Variants in EFNA5 observed in about 807,000 individuals in gnomAD.
EFNA5 encodes ephrin-A5.
In EFNA5, 5 loss-of-function variants were observed where a neutral mutation model predicts 22.9. The observed-to-expected ratio is 0.22, with a 90% CI of 0.11 to 0.46. The LOEUF (loss-of-function observed/expected upper bound fraction) is 0.46. Ranked by LOEUF, EFNA5 falls within the 20% of genes least tolerant of loss-of-function variation. EFNA5 has a pLI of 0.99. For missense variants in EFNA5, 237 were observed against 293.3 expected (o/e 0.81, Z 1.40); for synonymous variants, 113 against 112.2 (o/e 1.01, Z -0.04).
At chr5:107,629,703 C>T (rs934403736) in intron 1 of EFNA5, among the ~76,000 whole-genome samples, 1 of 152,230 alleles carries the variant, frequency 6.6e-6, no homozygotes, top group African/African-American at 2.4e-5. Context: ...CCACAGGCCA[C>T]ATGTGGCCCA....
chr5:107,618,630 G>A (rs1051289353), intron 1 of EFNA5, among the ~76,000 whole-genome samples: 10 of 152,156 alleles, frequency 6.6e-5, no homozygotes, highest in East Asian at 1.9e-4. Context: ...TTCAGAGTCC[G>A]GGTTAGAATG....
At chr5:107,593,924 A>T (rs555161613) in intron 1 of EFNA5, among the ~76,000 whole-genome samples, 1 of 152,274 alleles carries the variant, frequency 6.6e-6, no homozygotes, top group Non-Finnish European at 1.5e-5. Context: ...TTTATTTTTA[A>T]GCTACTAAAC....
At chr5:107,490,329 C>T (rs544480087) in intron 1 of EFNA5, among the ~76,000 whole-genome samples, 1 of 152,266 alleles carries the variant, frequency 6.6e-6, no homozygotes, top group African/African-American at 2.4e-5. Flanking sequence ...CTCCCTAGCT[C>T]ATGGGATCCT....
intron 1 of EFNA5, among the ~76,000 whole-genome samples, chr5:107,642,912 C>G (rs766498392): frequency 7.1e-6 from 1 of 140,148 alleles, no homozygotes; most frequent in Non-Finnish European, 1.5e-5. Context: ...TCTAAAATGT[C>G]ATTTTGTCCA....
intron 1 of EFNA5, among the ~76,000 whole-genome samples, chr5:107,635,512 T>A (rs186768154): frequency 1.3e-5 from 2 of 152,190 alleles, no homozygotes; most frequent in African/African-American, 2.4e-5. Context: ...AATTTGTAGA[T>A]TTTTTCACCA....
chr5:107,636,647 T>C (rs758150860), intron 1 of EFNA5, among the ~76,000 whole-genome samples: 2 of 152,228 alleles, frequency 1.3e-5, no homozygotes, highest in African/African-American at 4.8e-5. Flanking sequence ...ACTTGGAATA[T>C]CTTATGCAGT....
chr5:107,535,711 G>A (rs762129918), intron 1 of EFNA5, among the ~76,000 whole-genome samples: 1 of 151,890 alleles, frequency 6.6e-6, no homozygotes, highest in Non-Finnish European at 1.5e-5. Flanking sequence ...GTAGTGTCTG[G>A]TTCATTTTCT....
At chr5:107,520,747 C>G in intron 1 of EFNA5, among the ~76,000 whole-genome samples, 1 of 152,182 alleles carries the variant, frequency 6.6e-6, no homozygotes, top group Non-Finnish European at 1.5e-5. Context: ...TTTCTGACTG[C>G]TTGGTACCAA....
At chr5:107,596,090 A>G (rs1390930731) in intron 1 of EFNA5, among the ~76,000 whole-genome samples, 1 of 152,214 alleles carries the variant, frequency 6.6e-6, no homozygotes, top group African/African-American at 2.4e-5. Context: ...CATTTTACTT[A>G]ATACTACTTT....
chr5:107,520,208 G>A (rs1747564787), intron 1 of EFNA5, among the ~76,000 whole-genome samples: 1 of 152,110 alleles, frequency 6.6e-6, no homozygotes, highest in South Asian at 2.1e-4. Flanking sequence ...TGTACCCGAG[G>A]CTTTCTCTCG....
At chr5:107,505,729 T>C in intron 1 of EFNA5, among the ~76,000 whole-genome samples, 1 of 152,196 alleles carries the variant, frequency 6.6e-6, no homozygotes, top group East Asian at 1.9e-4. Flanking sequence ...ACTGTGAGAA[T>C]CAGTAGTAAG....
Position 107,427,475 on chromosome 5 carries a change from T to C in EFNA5, c.160A>G (p.Ile54Val). ...CAGAAAACATCCAGGTAGTCATTGA[T>C]ACAGACATCAATATGGTAGTCACCC... ...QRGDYHIDVC[I>V]NDYLDVFCPH... The change falls in exon 2 of 5, where the codon ATC becomes GTC. Residue 54 changes from isoleucine (I) to valine (V), a missense_variant. Coordinates refer to ENST00000333274, the MANE Select transcript of EFNA5 (RefSeq NM_001962.3). 6.2e-7 allele frequency: 1 copy of C among 1,613,632 alleles called. No homozygotes were observed. The highest frequency in any genetic ancestry group is 1.1e-5 in the South Asian group (1 of 91,000).
At chr5:107,425,198 G>T (rs1375954379) in intron 2 of EFNA5, among the ~76,000 whole-genome samples, 1 of 152,132 alleles carries the variant, frequency 6.6e-6, no homozygotes, top group Non-Finnish European at 1.5e-5. Flanking sequence ...AGTCATAAGC[G>T]CTATGGGTAT....
At chr5:107,397,211 A>T (rs1747950679) in intron 2 of EFNA5, among the ~76,000 whole-genome samples, 1 of 152,114 alleles carries the variant, frequency 6.6e-6, no homozygotes, top group African/African-American at 2.4e-5. Flanking sequence ...TGATTGTGCC[A>T]GTGCACTCCA....
chr5:107,601,004 G>T (rs1382855026), intron 1 of EFNA5, among the ~76,000 whole-genome samples: 1 of 152,106 alleles, frequency 6.6e-6, no homozygotes, highest in Non-Finnish European at 1.5e-5. Context: ...TCAAGTTCTT[G>T]TTACCTTCAA....
At chr5:107,470,170 G>GT (rs1429540384) in intron 1 of EFNA5, among the ~76,000 whole-genome samples, 1 of 152,128 alleles carries the variant, frequency 6.6e-6, no homozygotes, top group Non-Finnish European at 1.5e-5. Context: ...TAATAACCCT[G>GT]TAAGTGCCAA....
chr5:107,662,871 G>A (rs1750992226), intron 1 of EFNA5, among the ~76,000 whole-genome samples: 1 of 151,414 alleles, frequency 6.6e-6, no homozygotes, highest in African/African-American at 2.4e-5. Flanking sequence ...ATTTGAGGGT[G>A]GAGGTGACAA....
intron 1 of EFNA5, among the ~76,000 whole-genome samples, chr5:107,626,813 A>T (rs1485873768): frequency 6.6e-6 from 1 of 152,142 alleles, no homozygotes; most frequent in Non-Finnish European, 1.5e-5. Flanking sequence ...TTAAGTGAAA[A>T]GTATTTCTTT....
At chr5:107,535,545 T>C (rs1473926052) in intron 1 of EFNA5, among the ~76,000 whole-genome samples, 1 of 151,944 alleles carries the variant, frequency 6.6e-6, no homozygotes, top group East Asian at 1.9e-4. Context: ...AAAAGAAAAA[T>C]ATATTTACCT....
Sources: gnomAD v4.1 joint callset for allele counts (sites outside exome capture counted in the v4.1 genomes callset) on GRCh38, gnomAD v4.1.1 for gene constraint, MANE v1.5 for transcripts, NCBI Gene and HGNC (gene_info 2026-07-23, HGNC 2026-07-21) for gene names.